Variants in SYN2 observed in about 807,000 individuals in gnomAD.
The protein encoded by SYN2 is synapsin II, also known as synapsin-2.
Under a neutral mutation model 50.9 loss-of-function variants are expected in SYN2, and 19 were observed. The ratio of observed to expected loss-of-function variants is 0.37; its 90% CI spans 0.26 to 0.55. The LOEUF (loss-of-function observed/expected upper bound fraction) is 0.55, where lower values mean the gene tolerates loss of function less well. Ranked by LOEUF, SYN2 falls within the 20% of genes least tolerant of loss-of-function variation. The pLI is 0.81. For synonymous variants in SYN2, 255 were observed against 224.9 expected, an observed-to-expected ratio of 1.13 and a Z score of -1.20; for missense variants, 587 against 576.4, an observed-to-expected ratio of 1.02 and a Z score of -0.19.
chr3:12,184,988 T>C (rs1463615866), intron 11 of SYN2: 2 of 985,716 alleles, frequency 2.0e-6, no homozygotes, highest in East Asian at 1.1e-4. Context: ...GTTGGTGGTA[T>C]GTAACAAGAG....
chr3:12,158,650 C>T (rs1386241566), intron 5 of SYN2: 4 of 1,602,550 alleles, frequency 2.5e-6, no homozygotes, highest in Non-Finnish European at 2.5e-6. Flanking sequence ...TGGCCAGATA[C>T]TAATCCCCCA....
chr3:12,169,015 C>T (rs1697874602), intron 9 of SYN2, among the ~76,000 whole-genome samples: 1 of 152,210 alleles, frequency 6.6e-6, no homozygotes, highest in African/African-American at 2.4e-5. Flanking sequence ...AGGAAAGGCT[C>T]CTTACTAGGA....
At chr3:12,079,199 T>G (rs771006492) in intron 1 of SYN2, among the ~76,000 whole-genome samples, 17 of 152,218 alleles carry the variant, frequency 1.1e-4, no homozygotes, top group Non-Finnish European at 1.9e-4. Context: ...AAGAAGCTTT[T>G]GGGCTGAGAT....
At chr3:12,017,649 A>T (rs1298931817) in intron 1 of SYN2, among the ~76,000 whole-genome samples, 1 of 152,230 alleles carries the variant, frequency 6.6e-6, no homozygotes, top group Non-Finnish European at 1.5e-5. Context: ...AAAATGTCTA[A>T]CAATATGATT....
chr3:12,180,043 G>A (rs1167880507), intron 10 of SYN2, among the ~76,000 whole-genome samples: 1 of 152,148 alleles, frequency 6.6e-6, no homozygotes, highest in Admixed American at 6.5e-5. Flanking sequence ...CCACCTCCCA[G>A]GCTCAAGCTA....
intron 1 of SYN2, among the ~76,000 whole-genome samples, chr3:12,045,488 GT>G (rs1694716472): frequency 6.6e-6 from 1 of 152,168 alleles, no homozygotes; most frequent in African/African-American, 2.4e-5. Flanking sequence ...TTGAATAGAT[GT>G]TTTTCCCCCT....
chr3:12,173,331 T>C (rs752185061), intron 10 of SYN2, among the ~76,000 whole-genome samples: 6 of 152,238 alleles, frequency 3.9e-5, no homozygotes, highest in Non-Finnish European at 8.8e-5. Context: ...ACCAGGACTA[T>C]GGAGCTGTCA....
At chr3:12,097,016 C>T (rs1435272616) in intron 1 of SYN2, among the ~76,000 whole-genome samples, 7 of 152,082 alleles carry the variant, frequency 4.6e-5, no homozygotes, top group African/African-American at 1.7e-4. Flanking sequence ...TGATGAAATA[C>T]AAGAATTTAT....
chr3:12,008,395 A>G (rs892165408), intron 1 of SYN2, among the ~76,000 whole-genome samples: 5 of 152,226 alleles, frequency 3.3e-5, no homozygotes, highest in Admixed American at 3.3e-4. Context: ...TGCTGTCCAG[A>G]TAGGTAGATA....
intron 1 of SYN2, among the ~76,000 whole-genome samples, chr3:12,030,513 T>G (rs1184958207): frequency 1.3e-5 from 2 of 151,474 alleles, no homozygotes; most frequent in East Asian, 3.9e-4. Flanking sequence ...GGTCCTTGAC[T>G]CTTTTTGGTT....
At chr3:12,151,871 G>A (rs1018033228) in intron 5 of SYN2, among the ~76,000 whole-genome samples, 1 of 152,306 alleles carries the variant, frequency 6.6e-6, no homozygotes, top group Non-Finnish European at 1.5e-5. Flanking sequence ...ATAAGGCTGG[G>A]TTAACACTGT....
At chr3:12,136,092 G>T (rs887365494) in intron 1 of SYN2, among the ~76,000 whole-genome samples, 2 of 152,192 alleles carry the variant, frequency 1.3e-5, no homozygotes, top group African/African-American at 4.8e-5. Flanking sequence ...GGTATCAGAT[G>T]ATGATGCTGT....
At chr3:12,112,624 A>T (rs1431141842) in intron 1 of SYN2, among the ~76,000 whole-genome samples, 1 of 152,168 alleles carries the variant, frequency 6.6e-6, no homozygotes, top group Non-Finnish European at 1.5e-5. Flanking sequence ...ACCCCTATAA[A>T]CCTTGTTAAT....
chr3:12,123,603 TAAAGA>T (rs1171927943), intron 1 of SYN2, among the ~76,000 whole-genome samples: 1 of 152,028 alleles, frequency 6.6e-6, no homozygotes, highest in African/African-American at 2.4e-5. Context: ...ACCCTGTGTC[TAAAGA>T]AAAACACAAA....
intron 1 of SYN2, among the ~76,000 whole-genome samples, chr3:12,133,981 A>G (rs1408752314): frequency 1.3e-5 from 2 of 152,222 alleles, no homozygotes; most frequent in African/African-American, 2.4e-5. Context: ...CTTATTGGCT[A>G]CAGAGTTTTT....
chr3:12,093,383 T>C (rs935806168), intron 1 of SYN2, among the ~76,000 whole-genome samples: 5 of 152,180 alleles, frequency 3.3e-5, no homozygotes, highest in African/African-American at 1.2e-4. Context: ...ATGACTGACA[T>C]CATTAGACCC....
intron 1 of SYN2, among the ~76,000 whole-genome samples, chr3:12,046,964 G>T (rs1393397219): frequency 7.0e-6 from 1 of 143,272 alleles, no homozygotes; most frequent in Non-Finnish European, 1.5e-5. Flanking sequence ...ACAATAAAGA[G>T]AATGATTATG....
At chr3:12,069,204 A>G (rs1695285206) in intron 1 of SYN2, among the ~76,000 whole-genome samples, 2 of 151,284 alleles carry the variant, frequency 1.3e-5, no homozygotes. Flanking sequence ...TGGCCGTATG[A>G]ATAACGCTGC....
At chr3:12,159,198 A>G in intron 5 of SYN2, 1 of 257,272 alleles carries the variant, frequency 3.9e-6, no homozygotes, top group South Asian at 1.1e-4. Context: ...ATGCATGAGG[A>G]CAGAAAAACT....
Sources: gnomAD v4.1 joint callset for allele counts (sites outside exome capture counted in the v4.1 genomes callset) on GRCh38, gnomAD v4.1.1 for gene constraint, MANE v1.5 for transcripts, NCBI Gene and HGNC (gene_info 2026-07-23, HGNC 2026-07-21) for gene names.